Variants in MYO18B observed in about 807,000 individuals in gnomAD.
MYO18B encodes the protein myosin XVIIIB.
In MYO18B, 204 loss-of-function variants were observed where a neutral mutation model predicts 273.0. That is an observed-to-expected ratio of 0.75 (90% CI 0.67 to 0.84). MYO18B has a LOEUF of 0.84. MYO18B is among the 40% of genes least tolerant of loss of function. The probability of loss-of-function intolerance (pLI) is 0.00; values close to 1 mark genes in which losing one functional copy is unlikely to be tolerated. For synonymous variants in MYO18B, 1,330 were observed against 1,305.7 expected, an observed-to-expected ratio of 1.02 and a Z score of -0.40; for missense variants, 3,212 against 3,287.6, an observed-to-expected ratio of 0.98 and a Z score of 0.56.
intron 34 of MYO18B, among the ~76,000 whole-genome samples, chr22:25,935,040 CATTAAAA>C (rs1188693326): frequency 1.3e-5 from 2 of 152,132 alleles, no homozygotes; most frequent in South Asian, 4.1e-4. Flanking sequence ...AGAGAAATCT[CATTAAAA>C]TGCCCTCTGC....
intron 3 of MYO18B, among the ~76,000 whole-genome samples, chr22:25,765,655 G>A (rs1293387835): frequency 6.6e-6 from 1 of 152,030 alleles, no homozygotes; most frequent in African/African-American, 2.4e-5. Context: ...ATTGGCCCCA[G>A]TTATTCTAGA....
chr22:25,928,280 G>T (rs926876733), intron 34 of MYO18B, among the ~76,000 whole-genome samples: 13 of 151,698 alleles, frequency 8.6e-5, no homozygotes, highest in Non-Finnish European at 1.6e-4. Context: ...GTAAAAATTG[G>T]CAGGATTCCA....
At chr22:25,831,320 A>G (rs1028983411) in intron 15 of MYO18B, among the ~76,000 whole-genome samples, 2 of 152,208 alleles carry the variant, frequency 1.3e-5, no homozygotes, top group African/African-American at 4.8e-5. Context: ...TCAAGGCTTT[A>G]TAAACAATAC....
At chr22:25,847,825 G>A (rs2146025276) in intron 20 of MYO18B, among the ~76,000 whole-genome samples, 173 bp downstream of exon 20, 1 of 152,278 alleles carries the variant, frequency 6.6e-6, no homozygotes, top group Non-Finnish European at 1.5e-5. Flanking sequence ...TCAGAGAGGT[G>A]GAAGTACTTG....
chr22:26,035,956 C>G (rs1022538783), downstream of MYO18B, among the ~76,000 whole-genome samples: 1 of 152,224 alleles, frequency 6.6e-6, no homozygotes, highest in African/African-American at 2.4e-5. Flanking sequence ...GAGGCCCTCT[C>G]CAGGCCAACA....
intron 35 of MYO18B, among the ~76,000 whole-genome samples, 170 bp from the exon 36 acceptor site, chr22:25,947,542 A>ACC (rs1555960119): frequency 7.8e-5 from 11 of 140,212 alleles, no homozygotes; most frequent in African/African-American, 1.7e-4. Flanking sequence ...ACACACACAC[A>ACC]CCAAGCTGTT....
intron 1 of MYO18B, among the ~76,000 whole-genome samples, chr22:25,758,138 C>T (rs751565469): frequency 1.8e-4 from 27 of 152,078 alleles, no homozygotes; most frequent in Non-Finnish European, 3.4e-4. Context: ...ATCAGCATCC[C>T]GAATAGCTGG....
chr22:26,062,635 G>A, the MYO18B span, among the ~76,000 whole-genome samples: 18 of 152,102 alleles, frequency 1.2e-4, no homozygotes, highest in South Asian at 3.7e-3. Context: ...TTTTATTTTT[G>A]CTTAAGGTAG....
chr22:25,929,031 G>A (rs1020228959), intron 34 of MYO18B, among the ~76,000 whole-genome samples: 26 of 151,880 alleles, frequency 1.7e-4, no homozygotes, highest in Admixed American at 4.6e-4. Context: ...GCATGATGGC[G>A]CATGCCTGTA....
chr22:25,761,142 C>A lies in MYO18B; in HGVS notation c.39+11C>A, dbSNP rs998123974. 6.2e-7 allele frequency: 1 copy of A among 1,613,038 alleles called. No homozygotes were observed. On this transcript the variant is annotated intron_variant, in intron 2 of 43. Coordinates refer to ENST00000335473, the MANE Select transcript of MYO18B (RefSeq NM_032608.7). ...CTGTGGGAGCAGAAGGAAAGTGACA[C>A]TCATGGCTGGGGCTGCAGCCATCTG...
chr22:25,920,243 T>C (rs975980927), intron 33 of MYO18B, among the ~76,000 whole-genome samples: 1 of 152,138 alleles, frequency 6.6e-6, no homozygotes, highest in African/African-American at 2.4e-5. Flanking sequence ...AAACTCCCCA[T>C]CTGATGGACA....
chr22:25,870,563 C>T (rs187298236), intron 22 of MYO18B, among the ~76,000 whole-genome samples: 111 of 152,294 alleles, frequency 7.3e-4, no homozygotes, highest in Admixed American at 1.4e-3. Flanking sequence ...TGTCATTAGG[C>T]GGTGCATGAC....
At chr22:25,750,065 G>A (rs924808040) in intron 1 of MYO18B, among the ~76,000 whole-genome samples, 1 of 152,172 alleles carries the variant, frequency 6.6e-6, no homozygotes, top group East Asian at 1.9e-4. Flanking sequence ...CCTATCTGGC[G>A]CTTTACAGAA....
intron 32 of MYO18B, 118 bp from the exon 33 acceptor site, chr22:25,910,828 C>A: frequency 1.3e-6 from 1 of 776,004 alleles, no homozygotes; most frequent in Non-Finnish European, 2.1e-6. Flanking sequence ...CTAGGGCAGC[C>A]TCATGGAACA....
rs931636150 is a variant in MYO18B at position 25,967,299 on chromosome 22, T to C, written c.6156+11935T>C. ...TCCAATTTATATTGTTTAGATGAGA[T>C]TATGCTTCACTTAATTGTATGCCAG... is the stretch of plus-strand genomic sequence containing the variant. On this transcript the variant is annotated intron_variant, in intron 39 of 43. Coordinates refer to ENST00000335473, the MANE Select transcript of MYO18B (RefSeq NM_032608.7). Among the ~76,000 whole-genome samples the C allele has an allele frequency of 3.3e-5, 5 of 152,306 alleles. No homozygotes were observed. In the East Asian group the frequency reaches 5.8e-4, roughly 18 times the overall value.
At chr22:25,868,486 C>T in intron 22 of MYO18B, 101 bp downstream of exon 22, 1 of 982,888 alleles carries the variant, frequency 1.0e-6, no homozygotes, top group Admixed American at 2.5e-5. Context: ...CTCTGTACGT[C>T]TCCTTTTTCC....
intron 39 of MYO18B, among the ~76,000 whole-genome samples, chr22:25,990,562 C>T (rs901946727): frequency 1.3e-5 from 2 of 151,722 alleles, no homozygotes; most frequent in Non-Finnish European, 2.9e-5. Context: ...TCGTGGGTGC[C>T]TGTAATCCCA....
At position 26,027,128 on chromosome 22, in the gene MYO18B, G is replaced by T. The variant is rs982421225; in HGVS notation, c.7154G>T (p.Arg2385Leu). Residue 2385 changes from arginine (R) to leucine (L), a missense_variant, in exon 43 of 44, where the codon CGG (arginine) becomes CTG (leucine). Arg to Leu is a moderately radical substitution (Grantham distance 102). Transcript: ENST00000335473. The surrounding 1 kb of genome is among the most constrained non-coding windows in gnomAD (Gnocchi z 4.1). ...TCGCCCACACTGCGTCCTCGGAGGCGGTGTCTGGAGTCCTCTGTGGACGAT... is the reference window on the plus strand; with the variant it reads ...TCGCCCACACTGCGTCCTCGGAGGCTGTGTCTGGAGTCCTCTGTGGACGAT... ...LLSPTLRPRRRCLESSVDDAG... is the reference protein window; with the variant it reads ...LLSPTLRPRRLCLESSVDDAG... The T allele has an allele frequency of 3.1e-6, 5 of 1,613,960 alleles. No homozygotes were observed. The highest frequency in any genetic ancestry group is 4.2e-6 in the Non-Finnish European group (5 of 1,179,878).
intron 17 of MYO18B, among the ~76,000 whole-genome samples, chr22:25,840,176 G>T (rs2090040164): frequency 6.6e-6 from 1 of 152,174 alleles, no homozygotes; most frequent in Non-Finnish European, 1.5e-5. Flanking sequence ...CCCGAGGACA[G>T]TTGCTCCTGT....
Sources: gnomAD v4.1 joint callset for allele counts (sites outside exome capture counted in the v4.1 genomes callset) on GRCh38, gnomAD v4.1.1 for gene constraint, Gnocchi (gnomAD v3.1) non-coding constraint, MANE v1.5 for transcripts, NCBI Gene and HGNC (gene_info 2026-07-23, HGNC 2026-07-21) for gene names.